Variants in GALNTL6 observed in about 807,000 individuals in gnomAD.
The protein encoded by GALNTL6 is polypeptide N-acetylgalactosaminyltransferase-like 6.
Under a neutral mutation model 73.7 loss-of-function variants are expected in GALNTL6, and 46 were observed. The observed-to-expected ratio is 0.62, with a 90% confidence interval of 0.49 to 0.80. GALNTL6 has a LOEUF of 0.80. GALNTL6 is among the 30% of genes least tolerant of loss of function. The probability of loss-of-function intolerance (pLI) is 0.00; values close to 1 mark genes in which losing one functional copy is unlikely to be tolerated. For missense variants in GALNTL6, 604 were observed against 755.0 expected (o/e 0.80, Z 2.34); for synonymous variants, 259 against 263.7 (o/e 0.98, Z 0.17).
chr4:172,613,666 G>A (rs554212825), intron 5 of GALNTL6, among the ~76,000 whole-genome samples: 1 of 152,198 alleles, frequency 6.6e-6, no homozygotes, highest in South Asian at 2.1e-4. Flanking sequence ...ATGCCACATC[G>A]TTATAGTTGA....
intron 3 of GALNTL6, among the ~76,000 whole-genome samples, chr4:172,307,907 G>A (rs1010552819): frequency 5.4e-5 from 8 of 147,932 alleles, no homozygotes; most frequent in African/African-American, 1.7e-4. Context: ...ATAGTATTTT[G>A]ATTGGAATTG....
chr4:172,768,317 A>C (rs774677788), intron 5 of GALNTL6, among the ~76,000 whole-genome samples: 2 of 152,208 alleles, frequency 1.3e-5, no homozygotes, highest in Non-Finnish European at 2.9e-5. Context: ...AATGGAATAC[A>C]TAGAGTAGGT....
chr4:172,947,065 G>C (rs1411383895), intron 9 of GALNTL6, among the ~76,000 whole-genome samples: 1 of 152,136 alleles, frequency 6.6e-6, no homozygotes, highest in East Asian at 1.9e-4. Context: ...ATTTTAGCCA[G>C]GGAGAAATTC....
chr4:172,008,976 A>G (rs1740919706), intron 2 of GALNTL6, among the ~76,000 whole-genome samples: 1 of 152,138 alleles, frequency 6.6e-6, no homozygotes, highest in Non-Finnish European at 1.5e-5. Context: ...AAAAGGAAGG[A>G]AAGAAAGTGA....
intron 5 of GALNTL6, among the ~76,000 whole-genome samples, chr4:172,658,197 T>C (rs1579299285): frequency 7.6e-6 from 1 of 131,890 alleles, no homozygotes; most frequent in South Asian, 2.4e-4. Flanking sequence ...CCGGGTGCAG[T>C]GGCTCATGCC....
chr4:172,226,822 T>C (rs1736883625), intron 2 of GALNTL6, among the ~76,000 whole-genome samples: 1 of 152,158 alleles, frequency 6.6e-6, no homozygotes, highest in Non-Finnish European at 1.5e-5. Context: ...AATTTTTCTC[T>C]CCCTGATATC....
At chr4:172,192,577 G>A (rs555618372) in intron 2 of GALNTL6, among the ~76,000 whole-genome samples, 28 of 152,202 alleles carry the variant, frequency 1.8e-4, no homozygotes, top group African/African-American at 6.5e-4. Context: ...GCTGCACGGG[G>A]CAAAGGGAGC....
chr4:172,467,878 CTTTTCTTT>C (rs1732891169), intron 5 of GALNTL6, among the ~76,000 whole-genome samples: 1 of 111,508 alleles, frequency 9.0e-6, no homozygotes, highest in Non-Finnish European at 1.9e-5. Context: ...TTCTTTCCTT[CTTTTCTTT>C]TCTTTCTTTT....
chr4:171,910,301 A>G (rs569186117), intron 2 of GALNTL6, among the ~76,000 whole-genome samples: 2 of 152,228 alleles, frequency 1.3e-5, no homozygotes, highest in South Asian at 4.2e-4. Flanking sequence ...AATGTTTTGA[A>G]AGTAGGTTTT....
chr4:173,031,179 C>A (rs1331571063), intron 12 of GALNTL6, among the ~76,000 whole-genome samples: 1 of 151,734 alleles, frequency 6.6e-6, no homozygotes, highest in Non-Finnish European at 1.5e-5. Flanking sequence ...CCTTTATTAT[C>A]TACTTTAGTA....
intron 2 of GALNTL6, among the ~76,000 whole-genome samples, chr4:172,001,837 C>G (rs1385850106): frequency 6.6e-6 from 1 of 152,114 alleles, no homozygotes; most frequent in South Asian, 2.1e-4. Context: ...AGCCAAAGTA[C>G]AGGTTTGTAA....
At chr4:171,977,855 T>C (rs564366583) in intron 2 of GALNTL6, among the ~76,000 whole-genome samples, 2 of 152,220 alleles carry the variant, frequency 1.3e-5, no homozygotes, top group Non-Finnish European at 2.9e-5. Flanking sequence ...GATTCTAATA[T>C]AATTTTTAAA....
chr4:171,953,156 C>T (rs1738933507), intron 2 of GALNTL6, among the ~76,000 whole-genome samples: 1 of 151,868 alleles, frequency 6.6e-6, no homozygotes, highest in African/African-American at 2.4e-5. Context: ...ACAGCATAGT[C>T]GGTTACCCCA....
At chr4:172,378,756 C>T (rs898305159) in intron 5 of GALNTL6, among the ~76,000 whole-genome samples, 1 of 151,904 alleles carries the variant, frequency 6.6e-6, no homozygotes, top group Non-Finnish European at 1.5e-5. Context: ...TGATTTATAA[C>T]ATGTATCCAT....
intron 8 of GALNTL6, among the ~76,000 whole-genome samples, chr4:172,895,899 T>C (rs1746303872): frequency 6.6e-6 from 1 of 152,246 alleles, no homozygotes; most frequent in African/African-American, 2.4e-5. Context: ...AGTTCTGCTA[T>C]TGATGCTTTC....
chr4:172,882,515 C>G (rs987508998), intron 7 of GALNTL6, among the ~76,000 whole-genome samples: 1 of 152,086 alleles, frequency 6.6e-6, no homozygotes, highest in African/African-American at 2.4e-5. Flanking sequence ...TAGTGATAAA[C>G]AAGTGGAGCA....
chr4:172,121,060 T>C (rs1733136452), intron 2 of GALNTL6, among the ~76,000 whole-genome samples: 1 of 151,966 alleles, frequency 6.6e-6, no homozygotes, highest in African/African-American at 2.4e-5. Flanking sequence ...AGAATCGGCA[T>C]TGCAATGGGA....
chr4:172,140,835 G>A (rs1334095344), intron 2 of GALNTL6, among the ~76,000 whole-genome samples: 1 of 151,966 alleles, frequency 6.6e-6, no homozygotes, highest in Admixed American at 6.6e-5. Flanking sequence ...AAATTTGTTT[G>A]TTTTCTATCA....
chr4:172,446,253 A>T (rs1053316074), intron 5 of GALNTL6, among the ~76,000 whole-genome samples: 1 of 152,178 alleles, frequency 6.6e-6, no homozygotes, highest in African/African-American at 2.4e-5. Flanking sequence ...ACGATCACAG[A>T]GCTTTAAGGT....
Sources: allele counts gnomAD v4.1 joint callset (sites outside exome capture counted in the v4.1 genomes callset), GRCh38; gene constraint gnomAD v4.1.1; transcripts MANE v1.5; gene names NCBI Gene and HGNC (gene_info 2026-07-23, HGNC 2026-07-21).